PRMT2: variants seen among roughly 807,000 people sequenced by gnomAD.
PRMT2 encodes protein arginine methyltransferase 2.
A neutral mutation model predicts 57.6 loss-of-function variants in PRMT2; 26 were observed. The ratio of observed to expected loss-of-function variants is 0.45; its 90% CI spans 0.33 to 0.63. PRMT2 has a LOEUF of 0.63. Ranked by LOEUF, PRMT2 falls within the 20% of genes least tolerant of loss-of-function variation. The probability of loss-of-function intolerance (pLI) is 0.02; values close to 1 mark genes in which losing one functional copy is unlikely to be tolerated. For missense variants in PRMT2, 472 were observed against 564.4 expected (o/e 0.84, Z 1.66); for synonymous variants, 219 against 220.0 (o/e 1.00, Z 0.04).
intron 7 of PRMT2, chr21:46,653,175 A>G (rs1275854208): frequency 2.0e-6 from 2 of 985,314 alleles, no homozygotes; most frequent in African/African-American, 1.7e-5. Flanking sequence ...TTTCTAAGCA[A>G]AAGAAACAAA....
intron 3 of PRMT2, 153 bp from the exon 4 acceptor site, chr21:46,643,382 T>A: frequency 1.6e-6 from 2 of 1,241,698 alleles, no homozygotes; most frequent in Non-Finnish European, 1.0e-6. Flanking sequence ...AGCCTTTGAT[T>A]ATAGTAGTAA....
At chr21:46,652,276 C>G (rs560671267) in intron 7 of PRMT2, 2 of 1,316,324 alleles carry the variant, frequency 1.5e-6, no homozygotes, top group East Asian at 6.0e-5. Context: ...TTCTAAGAAC[C>G]AAGTTCATAA....
chr21:46,659,168 C>A, intron 8 of PRMT2: 1 of 1,232,720 alleles, frequency 8.1e-7, no homozygotes, highest in African/African-American at 1.5e-5. Flanking sequence ...GGTGGCATTA[C>A]GATTAGGAGG....
intron 8 of PRMT2, chr21:46,660,031 C>T (rs1647108731): frequency 6.1e-6 from 6 of 983,678 alleles, no homozygotes; most frequent in Non-Finnish European, 7.2e-6. Flanking sequence ...GGAATTTAAG[C>T]TTTTCTTTAT....
intron 10 of PRMT2, among the ~76,000 whole-genome samples, 162 bp downstream of exon 10, chr21:46,662,098 G>A (rs1193150834): frequency 1.3e-5 from 2 of 151,360 alleles, no homozygotes; most frequent in African/African-American, 4.9e-5. Context: ...GCGCGCATGG[G>A]GGCACGGGTG....
chr21:46,638,224 T>C (rs1176020474), intron 3 of PRMT2, among the ~76,000 whole-genome samples: 2 of 152,176 alleles, frequency 1.3e-5, no homozygotes, highest in African/African-American at 4.8e-5. Flanking sequence ...AACTTTACCT[T>C]TGGGGAAGTT....
chr21:46,649,913 C>A lies in PRMT2; in HGVS notation c.654+174C>A. The A allele has an allele frequency of 6.9e-7, 1 of 1,452,390 alleles. No homozygotes were observed. 90.0% of individuals were successfully genotyped at this position (1,452,390 alleles called of 1,614,324 possible). ...ACATTGGCTCAGTGTCTTGAATTTT[C>A]ACCTGATTTAAAAAATGCCTTTATG... On this transcript the variant is annotated intron_variant, in intron 7 of 11. Transcript: ENST00000355680. This position sits in a 1 kb window ranked among gnomAD's most constrained non-coding sequence, Gnocchi z 4.8.
At chr21:46,646,922 G>A (rs2061373876) in intron 5 of PRMT2, among the ~76,000 whole-genome samples, 1 of 152,202 alleles carries the variant, frequency 6.6e-6, no homozygotes, top group African/African-American at 2.4e-5. Context: ...CCAAGATGGC[G>A]CCTCATGGCT....
chr21:46,651,862 T>G, intron 7 of PRMT2: 1 of 1,612,982 alleles, frequency 6.2e-7, no homozygotes, highest in East Asian at 2.2e-5. Flanking sequence ...CTGGCCCTCT[T>G]CACGTCCTCC....
At chr21:46,643,840 C>T (rs1022484939) in intron 4 of PRMT2, among the ~76,000 whole-genome samples, 1 of 152,172 alleles carries the variant, frequency 6.6e-6, no homozygotes, top group Non-Finnish European at 1.5e-5. Flanking sequence ...GGAGTGGGGA[C>T]CCTCAGCCAG....
At position 46,653,769 on chromosome 21, in the gene PRMT2, C is replaced by T; in HGVS notation, c.654+4030C>T. ...GATTCCTTGGTTTTAAAGCTTGCCT[C>T]ATACAAAGTACAGAGACATCTTTTT... On this transcript the variant is annotated intron_variant, in intron 7 of 11. Transcript: ENST00000355680. 5.2e-6 allele frequency: 6 copies of T among 1,153,512 alleles called. No homozygotes were observed. In the South Asian group the frequency reaches 9.8e-5, roughly 19 times the overall value. 71.5% of individuals were successfully genotyped at this position (1,153,512 alleles called of 1,614,324 possible). A position where few individuals can be genotyped will look rare whatever the true frequency, so the allele number is the denominator to read the frequency against.
chr21:46,645,410 G>A (rs2061348886), intron 5 of PRMT2, among the ~76,000 whole-genome samples: 1 of 116,426 alleles, frequency 8.6e-6, no homozygotes, highest in Non-Finnish European at 1.8e-5. Flanking sequence ...AGTCTGTGGT[G>A]AGCTATGATT....
chr21:46,663,316 C>T lies in PRMT2; in HGVS notation c.1098-67C>T, dbSNP rs758894458. ...GAGAGCCAGTGCGAGCCTGAGTCAG[C>T]GCCCCGAGGGCCATGTGGAGACTGC... On this transcript the variant is annotated intron_variant, in intron 10 of 11. Transcript: ENST00000355680. The T allele has an allele frequency of 1.1e-4, 165 of 1,497,624 alleles. 2 individuals are homozygous for T. The highest frequency in any genetic ancestry group is 2.4e-4 in the Middle Eastern group (1 of 4,178). The allele number at this position is 1,497,624 out of a possible 1,614,324, so 92.8% of individuals were successfully genotyped here.
chr21:46,663,442 G>C lies in PRMT2; in HGVS notation c.1157G>C (p.Gly386Ala), dbSNP rs1354907770. 8 of 1,614,206 alleles carry C rather than the reference G, an allele frequency of 5.0e-6. No individual in the cohort carries two copies. Among genetic ancestry groups the C allele is most frequent in the East Asian group, 2.2e-5 (1 of 44,884 alleles). The change falls in exon 11 of 12, where the codon GGA becomes GCA. Residue 386 changes from glycine (G) to alanine (A), a missense_variant. Gly to Ala is a moderately conservative substitution (Grantham distance 60). Coordinates refer to ENST00000355680, the MANE Select transcript of PRMT2 (RefSeq NM_206962.4). ...GACGACCCAGTCCCTGTCCATACAG[G>C]AGACGTGGTCACGGGTTCAGTTGTG... Reference protein sequence around the residue: ...MMDDPVPVHTGDVVTGSVVLQ... With the variant: ...MMDDPVPVHTADVVTGSVVLQ...
intron 9 of PRMT2, 23 bp downstream of exon 9, chr21:46,660,985 C>T: frequency 1.9e-6 from 3 of 1,604,592 alleles, no homozygotes; most frequent in East Asian, 2.2e-5. Flanking sequence ...TGAATTGCTC[C>T]TTACATTCGA....
chr21:46,637,708 T>C (rs192630346), intron 3 of PRMT2, among the ~76,000 whole-genome samples: 17 of 152,282 alleles, frequency 1.1e-4, no homozygotes, highest in Admixed American at 2.6e-4. Flanking sequence ...CAGAATGATA[T>C]TGTAAACATC....
chr21:46,641,244 A>G (rs766380997), intron 3 of PRMT2, among the ~76,000 whole-genome samples: 12 of 152,146 alleles, frequency 7.9e-5, no homozygotes, highest in Non-Finnish European at 1.5e-4. Context: ...TTATGGTGGT[A>G]GAAAACTGGA....
At chr21:46,646,941 G>A (rs953031771) in intron 5 of PRMT2, among the ~76,000 whole-genome samples, 1 of 152,206 alleles carries the variant, frequency 6.6e-6, no homozygotes, top group Non-Finnish European at 1.5e-5. Context: ...CTGTCCTCAC[G>A]TGGTGAAGGC....
chr21:46,641,515 C>G (rs372320381), intron 3 of PRMT2, among the ~76,000 whole-genome samples: 74 of 152,192 alleles, frequency 4.9e-4, no homozygotes, highest in African/African-American at 1.5e-3. Flanking sequence ...TGATGAAACC[C>G]CATCCATTTC....
Sources: allele counts gnomAD v4.1 joint callset (sites outside exome capture counted in the v4.1 genomes callset), GRCh38; gene constraint gnomAD v4.1.1; non-coding constraint Gnocchi (gnomAD v3.1); transcripts MANE v1.5; gene names NCBI Gene and HGNC (gene_info 2026-07-23, HGNC 2026-07-21).